Variants in SORCS1 observed in about 807,000 individuals in gnomAD.
SORCS1 encodes the protein sortilin related VPS10 domain containing receptor 1.
SORCS1 carries 60 observed loss-of-function variants against 146.1 expected under a neutral mutation model. That is an observed-to-expected ratio of 0.41 (90% CI 0.33 to 0.51). The LOEUF (loss-of-function observed/expected upper bound fraction) is 0.51, where lower values mean the gene tolerates loss of function less well. SORCS1 is among the 20% of genes least tolerant of loss of function. The pLI, the probability that SORCS1 is intolerant of heterozygous loss-of-function variation, is 0.21. For missense variants in SORCS1, 1,352 were observed against 1,487.6 expected (o/e 0.91, Z 1.50); for synonymous variants, 637 against 584.0 (o/e 1.09, Z -1.31).
intron 2 of SORCS1, among the ~76,000 whole-genome samples, chr10:106,935,586 C>T (rs1369532573): frequency 6.6e-6 from 1 of 152,154 alleles, no homozygotes; most frequent in Non-Finnish European, 1.5e-5. Flanking sequence ...CTGCTGTAAA[C>T]AAGGCAAATA....
At position 107,164,251 on chromosome 10, in the gene SORCS1, A is replaced by G; in HGVS notation, c.276T>C (p.Ala92=). The part of the protein sequence containing the change: ...PGDRALSLER[A]RGTGASMAVA... ...CCGCCATGGATGCCCCAGTGCCCCG[A>G]GCCCGCTCCAGGGATAGCGCTCGGT... is the stretch of plus-strand genomic sequence containing the variant. The change falls in exon 1 of 26, where the codon GCT becomes GCC. Residue 92 remains alanine, a synonymous_variant. Transcript: ENST00000263054. This position sits in a 1 kb window ranked among gnomAD's most constrained non-coding sequence, Gnocchi z 6.8. The G allele has an allele frequency of 2.5e-6, 4 of 1,605,680 alleles. No homozygotes were observed. Among genetic ancestry groups the G allele is most frequent in the South Asian group, 1.1e-5 (1 of 90,910 alleles).
intron 3 of SORCS1, among the ~76,000 whole-genome samples, chr10:106,781,074 T>C (rs1481610984): frequency 1.3e-5 from 2 of 152,068 alleles, no homozygotes; most frequent in Admixed American, 6.5e-5. Flanking sequence ...ATTCAACATA[T>C]GGCTACAGGA....
At chr10:106,601,186 C>G (rs1281721934) in intron 23 of SORCS1, among the ~76,000 whole-genome samples, 1 of 152,194 alleles carries the variant, frequency 6.6e-6, no homozygotes, top group African/African-American at 2.4e-5. Context: ...GATAGAGACT[C>G]AAGTGAAATA....
chr10:107,175,910 T>C, the SORCS1 span, among the ~76,000 whole-genome samples: 1 of 152,212 alleles, frequency 6.6e-6, no homozygotes, highest in Admixed American at 6.5e-5. Context: ...CTGATATGGG[T>C]AATTTTTGTT....
intron 8 of SORCS1, among the ~76,000 whole-genome samples, chr10:106,702,457 T>C (rs1304704032): frequency 1.3e-5 from 2 of 152,130 alleles, no homozygotes; most frequent in Non-Finnish European, 2.9e-5. Flanking sequence ...GCTGGAAGAG[T>C]AAAGTGCATC....
At chr10:106,645,544 T>C (rs1849364480) in intron 18 of SORCS1, among the ~76,000 whole-genome samples, 1 of 152,130 alleles carries the variant, frequency 6.6e-6, no homozygotes, top group Non-Finnish European at 1.5e-5. Context: ...AGTGATATAT[T>C]ATTATAAATT....
chr10:107,099,269 T>C (rs549013898), intron 1 of SORCS1, among the ~76,000 whole-genome samples: 1 of 152,314 alleles, frequency 6.6e-6, no homozygotes, highest in African/African-American at 2.4e-5. Context: ...CTCTTTATGT[T>C]AACTCAAATT....
At position 106,673,510 on chromosome 10, in the gene SORCS1, A is replaced by G. The variant is rs75631309; in HGVS notation, c.1941-525T>C. 5.9e-4 allele frequency among the ~76,000 whole-genome samples: 90 copies of G among 152,316 alleles called. No individual in the cohort carries two copies. The East Asian group carries it at 0.015, about 25-fold the overall frequency. Reference sequence around the variant, plus strand: ...AGTTTTGTTAACATTGCAAAAACAAAATCAAGTCATAATAACAGGCAGAAC... The same window carrying G: ...AGTTTTGTTAACATTGCAAAAACAAGATCAAGTCATAATAACAGGCAGAAC... On this transcript the variant is annotated intron_variant, in intron 14 of 25. Coordinates refer to ENST00000263054, the MANE Select transcript of SORCS1 (RefSeq NM_052918.5).
At chr10:106,729,317 G>C (rs1245869713) in intron 6 of SORCS1, among the ~76,000 whole-genome samples, 2 of 152,160 alleles carry the variant, frequency 1.3e-5, no homozygotes, top group Non-Finnish European at 2.9e-5. Flanking sequence ...ACAAAGTGTA[G>C]TCCTGTCCTT....
chr10:106,901,110 C>A (rs941812198), intron 2 of SORCS1, among the ~76,000 whole-genome samples: 1 of 152,112 alleles, frequency 6.6e-6, no homozygotes, highest in African/African-American at 2.4e-5. Flanking sequence ...AATAGCTGAG[C>A]CTGGCAACTC....
chr10:106,820,239 T>C (rs1465346826), intron 3 of SORCS1, among the ~76,000 whole-genome samples: 1 of 152,176 alleles, frequency 6.6e-6, no homozygotes, highest in Non-Finnish European at 1.5e-5. Context: ...CAGGAAAAGA[T>C]TTTTCTCTCC....
intron 1 of SORCS1, among the ~76,000 whole-genome samples, chr10:107,068,007 G>A (rs1564995729): frequency 1.3e-5 from 2 of 152,122 alleles, no homozygotes; most frequent in Non-Finnish European, 2.9e-5. Context: ...TGCTTCCATG[G>A]CAAGCTTGGT....
intron 1 of SORCS1, among the ~76,000 whole-genome samples, chr10:106,969,129 A>G (rs1955647565): frequency 6.6e-6 from 1 of 152,200 alleles, no homozygotes; most frequent in South Asian, 2.1e-4. Flanking sequence ...TTAGGGAAAA[A>G]TCCCACGGAG....
chr10:107,150,589 A>C (rs1565109119), intron 1 of SORCS1, among the ~76,000 whole-genome samples: 1 of 152,186 alleles, frequency 6.6e-6, no homozygotes, highest in Admixed American at 6.5e-5. Flanking sequence ...ATTTGATTAT[A>C]AGTTCTTCTC....
intron 21 of SORCS1, 54 bp from the exon 22 acceptor site, chr10:106,612,077 G>T: frequency 7.1e-7 from 1 of 1,401,210 alleles, no homozygotes; most frequent in Non-Finnish European, 1.0e-6. Context: ...CTGTCAAGAG[G>T]TTTGTTAGAC....
intron 1 of SORCS1, among the ~76,000 whole-genome samples, chr10:107,151,092 G>A (rs939345070): frequency 6.6e-6 from 1 of 152,200 alleles, no homozygotes; most frequent in African/African-American, 2.4e-5. Flanking sequence ...CTCAGAAGAA[G>A]ACAGGAGGAT....
chr10:106,634,912 T>C (rs4918245), intron 18 of SORCS1, among the ~76,000 whole-genome samples: 109,951 of 152,132 alleles, frequency 0.72, 42,119 homozygotes, highest in Non-Finnish European at 0.85. Context: ...TAGACTATTA[T>C]AAAATTCTTC....
intron 2 of SORCS1, among the ~76,000 whole-genome samples, chr10:106,917,755 C>T (rs902170997): frequency 1.3e-5 from 2 of 152,186 alleles, no homozygotes; most frequent in African/African-American, 4.8e-5. Flanking sequence ...GAATAGATTG[C>T]AAGGTGGCTT....
intron 2 of SORCS1, among the ~76,000 whole-genome samples, chr10:106,937,797 CT>C (rs1365575813): frequency 3.3e-5 from 5 of 151,858 alleles, no homozygotes; most frequent in African/African-American, 1.2e-4. Context: ...AATCCCATCT[CT>C]ACTAAAAACA....
Sources: gnomAD v4.1 joint callset for allele counts (sites outside exome capture counted in the v4.1 genomes callset) on GRCh38, gnomAD v4.1.1 for gene constraint, Gnocchi (gnomAD v3.1) non-coding constraint, MANE v1.5 for transcripts, NCBI Gene and HGNC (gene_info 2026-07-23, HGNC 2026-07-21) for gene names.